The following NFIA variants were observed in gnomAD, a reference collection of about 807,000 sequenced individuals.
NFIA encodes the protein nuclear factor 1 A-type.
A neutral mutation model predicts 62.8 loss-of-function variants in NFIA; 8 were observed. The observed-to-expected ratio is 0.13, with a 90% CI of 0.07 to 0.23. NFIA has a LOEUF of 0.23. NFIA is among the 10% of genes least tolerant of loss of function. NFIA has a pLI of 1.00. For missense variants in NFIA, 410 were observed against 642.1 expected (o/e 0.64, Z 3.91); for synonymous variants, 235 against 238.1 (o/e 0.99, Z 0.12).
chr1:61,117,382 T>C (rs531181529), intron 2 of NFIA, among the ~76,000 whole-genome samples: 6 of 152,254 alleles, frequency 3.9e-5, no homozygotes, highest in East Asian at 1.9e-4. Flanking sequence ...GATTGTGATA[T>C]AGGATTAACT....
At chr1:61,370,829 AGTCTGTAGGTATC>A (rs1439914132) in intron 6 of NFIA, among the ~76,000 whole-genome samples, 8 of 152,170 alleles carry the variant, frequency 5.3e-5, no homozygotes, top group Non-Finnish European at 1.0e-4. Context: ...GAAACATTCC[AGTCTGTAGGTATC>A]GTCTACTTTG....
At chr1:61,130,681 G>A (rs1009947256) in intron 2 of NFIA, among the ~76,000 whole-genome samples, 1 of 152,142 alleles carries the variant, frequency 6.6e-6, no homozygotes, top group Admixed American at 6.5e-5. Context: ...GTGTGTGGGG[G>A]GGCGTACGTT....
intron 2 of NFIA, among the ~76,000 whole-genome samples, chr1:61,137,099 A>T (rs1279382858): frequency 6.6e-6 from 1 of 152,204 alleles, no homozygotes; most frequent in Non-Finnish European, 1.5e-5. Flanking sequence ...ATGGATCAAG[A>T]TAAGTTTAAG....
chr1:61,419,727 G>T (rs1466939870), intron 9 of NFIA, among the ~76,000 whole-genome samples: 1 of 152,084 alleles, frequency 6.6e-6, no homozygotes, highest in African/African-American at 2.4e-5. Flanking sequence ...CATGGTTTTT[G>T]TGACTTCTTG....
chr1:61,083,984 A>G (rs1046300106), intron 1 of NFIA, among the ~76,000 whole-genome samples: 2 of 151,140 alleles, frequency 1.3e-5, no homozygotes, highest in African/African-American at 2.4e-5. Flanking sequence ...TGAATATGTT[A>G]TTTGTTTTCC....
At chr1:61,135,022 G>A (rs1340745549) in intron 2 of NFIA, among the ~76,000 whole-genome samples, 2 of 152,150 alleles carry the variant, frequency 1.3e-5, no homozygotes, top group Admixed American at 1.3e-4. Context: ...ACAACTCGAG[G>A]CTTTACACCC....
chr1:61,396,729 G>T (rs888012863), intron 7 of NFIA, among the ~76,000 whole-genome samples: 6 of 152,122 alleles, frequency 3.9e-5, no homozygotes, highest in Non-Finnish European at 8.8e-5. Flanking sequence ...GCCAGGCACA[G>T]TGGCTCATGC....
intron 2 of NFIA, among the ~76,000 whole-genome samples, chr1:61,272,408 A>T (rs546829892): frequency 2.6e-5 from 4 of 152,216 alleles, no homozygotes; most frequent in Non-Finnish European, 5.9e-5. Flanking sequence ...CAGCTGTGAG[A>T]CTAATAAGCA....
chr1:61,352,169 A>C (rs1443821372), intron 4 of NFIA, among the ~76,000 whole-genome samples: 1 of 152,230 alleles, frequency 6.6e-6, no homozygotes, highest in East Asian at 1.9e-4. Context: ...AATGTGGGGA[A>C]GTATTTTTGT....
chr1:61,101,434 T>C (rs946312230), intron 2 of NFIA, among the ~76,000 whole-genome samples: 1 of 151,156 alleles, frequency 6.6e-6, no homozygotes, highest in East Asian at 1.9e-4. Context: ...CACCATAGCA[T>C]GTTTTCTCTA....
At chr1:61,408,284 T>C (rs1333744361) in intron 9 of NFIA, among the ~76,000 whole-genome samples, 1 of 152,238 alleles carries the variant, frequency 6.6e-6, no homozygotes, top group African/African-American at 2.4e-5. Context: ...GCTTGGCCCA[T>C]GGATCTTAGA....
intron 2 of NFIA, among the ~76,000 whole-genome samples, chr1:61,203,448 C>T (rs759603762): frequency 6.6e-6 from 1 of 152,086 alleles, no homozygotes; most frequent in Non-Finnish European, 1.5e-5. Context: ...CCCGCTGTGC[C>T]CTCCTCCCCC....
intron 7 of NFIA, among the ~76,000 whole-genome samples, chr1:61,402,803 G>A (rs1006863459): frequency 3.3e-5 from 5 of 152,072 alleles, no homozygotes; most frequent in Non-Finnish European, 7.4e-5. Flanking sequence ...CCCTCCAATC[G>A]CCCATTTCCA....
chr1:61,360,236 A>G (rs928062473), intron 6 of NFIA, among the ~76,000 whole-genome samples: 4 of 152,198 alleles, frequency 2.6e-5, no homozygotes, highest in Non-Finnish European at 5.9e-5. Context: ...TGCAAAAACT[A>G]TTTGAAACCC....
intron 2 of NFIA, among the ~76,000 whole-genome samples, chr1:61,271,828 A>C (rs934566302): frequency 4.6e-5 from 7 of 152,226 alleles, no homozygotes; most frequent in African/African-American, 1.7e-4. Context: ...GCTTGCTGGG[A>C]AAGTTATAAA....
intron 2 of NFIA, among the ~76,000 whole-genome samples, chr1:61,262,448 A>G (rs138601520): frequency 8.5e-4 from 130 of 152,332 alleles, no homozygotes; most frequent in African/African-American, 3.1e-3. Flanking sequence ...TGAAATCTAA[A>G]CATGTCCTTA....
At chr1:61,138,824 C>G (rs1305114391) in intron 2 of NFIA, among the ~76,000 whole-genome samples, 1 of 151,716 alleles carries the variant, frequency 6.6e-6, no homozygotes, top group Non-Finnish European at 1.5e-5. Context: ...TCAAGTCGTC[C>G]GCCCACCTCG....
chr1:61,355,157 T>A (rs961602514), intron 5 of NFIA, among the ~76,000 whole-genome samples: 4 of 152,096 alleles, frequency 2.6e-5, no homozygotes, highest in African/African-American at 9.7e-5. Flanking sequence ...CAAGAAAAAA[T>A]TCCACATACA....
intron 3 of NFIA, among the ~76,000 whole-genome samples, chr1:61,316,875 T>A (rs909999961): frequency 6.6e-5 from 10 of 152,202 alleles, no homozygotes; most frequent in African/African-American, 1.7e-4. Flanking sequence ...CTGATGATTC[T>A]CCATTTGTAT....
Sources: gnomAD v4.1 joint callset for allele counts (sites outside exome capture counted in the v4.1 genomes callset) on GRCh38, gnomAD v4.1.1 for gene constraint, MANE v1.5 for transcripts, NCBI Gene and HGNC (gene_info 2026-07-23, HGNC 2026-07-21) for gene names.